SLC7A14: variants seen among roughly 807,000 people sequenced by gnomAD.
The protein encoded by SLC7A14 is gamma-aminobutyric acid transporter SLC7A14.
A neutral mutation model predicts 60.2 loss-of-function variants in SLC7A14; 37 were observed. The ratio of observed to expected loss-of-function variants is 0.61; its 90% CI spans 0.47 to 0.81. The LOEUF (loss-of-function observed/expected upper bound fraction) is 0.81, where lower values mean the gene tolerates loss of function less well. SLC7A14 is among the 30% of genes least tolerant of loss of function. The pLI is 0.00. For missense variants in SLC7A14, 886 were observed against 982.7 expected, an observed-to-expected ratio of 0.90 and a Z score of 1.32; for synonymous variants, 399 against 395.8, an observed-to-expected ratio of 1.01 and a Z score of -0.10.
rs371214263 is a variant in SLC7A14 at position 170,490,379 on chromosome 3, C to T, written c.760-4011G>A. Reference sequence around the variant, plus strand: ...AAACACAGATAAACACACATACATACACATGCAAACACATATACATACATA... The same window carrying T: ...AAACACAGATAAACACACATACATATACATGCAAACACATATACATACATA... On this transcript the variant is annotated intron_variant, in intron 4 of 7. Transcript: ENST00000231706. 1.1e-4 allele frequency among the ~76,000 whole-genome samples: 16 copies of T among 152,268 alleles called. No homozygotes were observed. The East Asian group carries it at 2.3e-3, about 22-fold the overall frequency.
At chr3:170,516,141 T>C (rs2108288643) in intron 2 of SLC7A14, among the ~76,000 whole-genome samples, 1 of 152,340 alleles carries the variant, frequency 6.6e-6, no homozygotes, top group Admixed American at 6.5e-5. Flanking sequence ...CAAATTTCTA[T>C]TAAAATGTGC....
rs1043696020 is a variant in SLC7A14, at chr3:170,526,721, A to G, written c.216T>C (p.Tyr72=). ...GVGSCVGTGM[Y]VVSGLVAKEM... ...CCTTGGCCACCAGGCCAGAGACCACATACATGCCAGTGCCCACACAGCTGC... is the reference window on the plus strand; with the variant it reads ...CCTTGGCCACCAGGCCAGAGACCACGTACATGCCAGTGCCCACACAGCTGC... Residue 72 remains tyrosine (Y), a synonymous_variant, in exon 2 of 8, where the codon TAT becomes TAC. Transcript: ENST00000231706. 1.9e-6 allele frequency: 3 copies of G among 1,614,224 alleles called. No homozygotes were observed. Among genetic ancestry groups the G allele is most frequent in the Non-Finnish European group, 1.7e-6 (2 of 1,180,036 alleles).
intron 6 of SLC7A14, among the ~76,000 whole-genome samples, chr3:170,482,329 C>T (rs940436045): frequency 9.9e-5 from 15 of 152,202 alleles, no homozygotes; most frequent in African/African-American, 3.4e-4. Context: ...CCTCCATCAC[C>T]CTAGGCCCCT....
At position 170,466,624 on chromosome 3, in the gene SLC7A14, C is replaced by T. The variant is rs1179132267; in HGVS notation, c.*431G>A. ...CTCAGGAAGTGCCAATGCCCATCTA[C>T]CCACCCTGACCTCGGGGAGCAGCAC... On this transcript the variant is annotated 3_prime_UTR_variant, in exon 8 of 8. Coordinates refer to ENST00000231706, the MANE Select transcript of SLC7A14 (RefSeq NM_020949.3). 6.4e-6 allele frequency: 1 copy of T among 155,978 alleles called. No individual in the cohort carries two copies. Among genetic ancestry groups the T allele is most frequent in the African/African-American group, 2.4e-5 (1 of 41,536 alleles). The allele number at this position is 155,978 out of a possible 1,614,324, so 9.7% of individuals were successfully genotyped here.
At chr3:170,488,869 G>A (rs1712123709) in intron 4 of SLC7A14, among the ~76,000 whole-genome samples, 1 of 151,946 alleles carries the variant, frequency 6.6e-6, no homozygotes, top group African/African-American at 2.4e-5. Context: ...AGTCCTTTGT[G>A]GAAATAAGCG....
chr3:170,475,724 T>G (rs2108266259), intron 7 of SLC7A14, among the ~76,000 whole-genome samples: 1 of 152,236 alleles, frequency 6.6e-6, no homozygotes, highest in Non-Finnish European at 1.5e-5. Context: ...ACATTTCTTT[T>G]TTTTTTGAGA....
chr3:170,482,975 C>T (rs1711883515), intron 6 of SLC7A14, among the ~76,000 whole-genome samples: 1 of 151,678 alleles, frequency 6.6e-6, no homozygotes, highest in Non-Finnish European at 1.5e-5. Flanking sequence ...TGAGGGCAGG[C>T]CTAAGATGTC....
At chr3:170,517,564 A>G (rs989023686) in intron 2 of SLC7A14, among the ~76,000 whole-genome samples, 2 of 152,222 alleles carry the variant, frequency 1.3e-5, no homozygotes, top group African/African-American at 4.8e-5. Context: ...AAGATAAAAC[A>G]AGGGAACCTG....
At chr3:170,570,421 C>A (rs1714914706) in intron 1 of SLC7A14, 2 of 150,440 alleles carry the variant, frequency 1.3e-5, no homozygotes, top group East Asian at 3.9e-4. Flanking sequence ...CGTACTCTAG[C>A]CTCGGCAACA....
At position 170,467,118 on chromosome 3, in the gene SLC7A14, G is replaced by C; in HGVS notation, c.2253C>G (p.Ser751Arg). The change falls in exon 8 of 8, where the codon AGC (serine) becomes AGG (arginine). Residue 751 changes from serine (S) to arginine (R), a missense_variant. Physicochemically the swap from Ser to Arg is moderately radical, Grantham distance 110. Transcript: ENST00000231706. ...GRTSSKAKSK[S>R]KHKQNSEALI... ...GGGCCTCTGAGTTCTGTTTGTGTTT[G>C]CTTTTGCTCTTCGCTTTGCTACTTG... 1 of 1,613,750 alleles carries C rather than the reference G, an allele frequency of 6.2e-7. No homozygotes were observed. The highest frequency in any genetic ancestry group is 8.5e-7 in the Non-Finnish European group (1 of 1,179,610).
chr3:170,524,233 C>T (rs1713425086), intron 2 of SLC7A14, among the ~76,000 whole-genome samples: 2 of 152,122 alleles, frequency 1.3e-5, no homozygotes, highest in Non-Finnish European at 2.9e-5. Context: ...TAGCTGATGC[C>T]AAGTTAACAG....
chr3:170,481,312 A>G (rs1711815095), intron 6 of SLC7A14, 146 bp from the exon 7 acceptor site: 1 of 776,284 alleles, frequency 1.3e-6, no homozygotes, highest in Non-Finnish European at 2.0e-6. Context: ...TGCATTCACT[A>G]CTTTAAATCC....
intron 4 of SLC7A14, among the ~76,000 whole-genome samples, chr3:170,492,060 C>T (rs756615121): frequency 1.3e-5 from 2 of 152,090 alleles, no homozygotes; most frequent in Non-Finnish European, 2.9e-5. Context: ...ATACAAAGAC[C>T]CATGAAATGA....
rs763452227 is a variant in SLC7A14, at chr3:170,486,406, G to A, written c.760-38C>T. The A allele has an allele frequency of 7.4e-6, 12 of 1,613,742 alleles. No homozygotes were observed. The East Asian group carries it at 2.0e-4, about 27-fold the overall frequency. On this transcript the variant is annotated intron_variant, in intron 4 of 7. Transcript: ENST00000231706. ...TGGCATTTGTCAGACTCAGAAGATC[G>A]GGGTGGCACCTGGGTCTTAAATGTG...
At chr3:170,527,131 G>A (rs1713534139) in intron 1 of SLC7A14, 43 bp from the exon 2 acceptor site, 3 of 618,648 alleles carry the variant, frequency 4.8e-6, no homozygotes, top group South Asian at 4.1e-5. Flanking sequence ...GACCGAGTGA[G>A]AAACAAACCT....
At chr3:170,529,132 A>G (rs1272352018) in intron 1 of SLC7A14, among the ~76,000 whole-genome samples, 1 of 152,260 alleles carries the variant, frequency 6.6e-6, no homozygotes, top group African/African-American at 2.4e-5. Flanking sequence ...CTATTGCAGA[A>G]AAGTCAGACA....
intron 1 of SLC7A14, among the ~76,000 whole-genome samples, chr3:170,568,485 C>T (rs1460478957): frequency 7.9e-5 from 12 of 152,170 alleles, no homozygotes; most frequent in African/African-American, 1.9e-4. Context: ...ATTGACTTGG[C>T]GATGTGGGCT....
Position 170,480,417 on chromosome 3 carries a change from G to A in SLC7A14, c.1865C>T (p.Pro622Leu), listed in dbSNP as rs778392426. ...AGGGGCCATGTAGGGCAGCTTCTTG[G>A]GGTTCTCTGGCTGCTGCAGGATCAC... ...VFVILQQPEN[P>L]KKLPYMAPCL... The change falls in exon 7 of 8, where the codon CCC becomes CTC. Residue 622 changes from proline (P) to leucine (L), a missense_variant. Pro to Leu is a moderately conservative substitution (Grantham distance 98). Coordinates refer to ENST00000231706, the MANE Select transcript of SLC7A14 (RefSeq NM_020949.3). The A allele has an allele frequency of 6.2e-7, 1 of 1,613,550 alleles. No homozygotes were observed. Among genetic ancestry groups the A allele is most frequent in the Non-Finnish European group, 8.5e-7 (1 of 1,179,610 alleles).
intron 2 of SLC7A14, among the ~76,000 whole-genome samples, chr3:170,519,897 C>G (rs1296028742): frequency 2.0e-5 from 3 of 152,214 alleles, no homozygotes; most frequent in African/African-American, 7.2e-5. Flanking sequence ...CAGCAGCCGT[C>G]TTTGGTCTTG....
Sources: allele counts gnomAD v4.1 joint callset (sites outside exome capture counted in the v4.1 genomes callset), GRCh38; gene constraint gnomAD v4.1.1; transcripts MANE v1.5; gene names NCBI Gene and HGNC (gene_info 2026-07-23, HGNC 2026-07-21).